The following SMARCD1 variants were observed in gnomAD, a reference collection of about 807,000 sequenced individuals.
SMARCD1 encodes the protein SWI/SNF-related matrix-associated actin-dependent regulator of chromatin subfamily D member 1.
SMARCD1 carries 16 observed loss-of-function variants against 70.8 expected under a neutral mutation model. That is an observed-to-expected ratio of 0.23 (90% CI 0.15 to 0.34). The LOEUF (loss-of-function observed/expected upper bound fraction) is 0.34. SMARCD1 is among the 10% of genes least tolerant of loss of function. The pLI, the probability that SMARCD1 is intolerant of heterozygous loss-of-function variation, is 1.00. For synonymous variants in SMARCD1, 249 were observed against 246.0 expected, an observed-to-expected ratio of 1.01 and a Z score of -0.11; for missense variants, 409 against 655.5, an observed-to-expected ratio of 0.62 and a Z score of 4.11.
At chr12:50,088,104 TC>T in intron 5 of SMARCD1, 1 of 540,796 alleles carries the variant, frequency 1.8e-6, no homozygotes. Context: ...AGAGCCTCCT[TC>T]TCTATATAGG....
At position 50,087,429 on chromosome 12, in the gene SMARCD1, G is replaced by A. The variant is rs1235560708; in HGVS notation, c.598G>A (p.Gly200Arg). ...FNPAKSDAED[G>R]EGTVASWELR... Reference sequence around the variant, plus strand: ...TCCGGCTAAGTCAGATGCCGAGGATGGGGAAGGGACGGTGGCTTCCTGGGA... The same window carrying A: ...TCCGGCTAAGTCAGATGCCGAGGATAGGGAAGGGACGGTGGCTTCCTGGGA... The change falls in exon 5 of 13, where the codon GGG becomes AGG. Residue 200 changes from glycine (G) to arginine (R), a missense_variant. Gly to Arg is a moderately radical substitution (Grantham distance 125). Around this residue, in one of 2 missense-constraint regions of SMARCD1, gnomAD observed 269 missense variants for 498.6 expected, o/e 0.54. Coordinates refer to ENST00000394963, the MANE Select transcript of SMARCD1 (RefSeq NM_003076.5). 1.2e-6 allele frequency: 2 copies of A among 1,614,046 alleles called. No homozygotes were observed. Among genetic ancestry groups the A allele is most frequent in the Admixed American group, 3.3e-5 (2 of 60,006 alleles).
chr12:50,098,682 CTT>C, intron 11 of SMARCD1, 30 bp from the exon 12 acceptor site: 1 of 1,542,530 alleles, frequency 6.5e-7, no homozygotes, highest in East Asian at 2.2e-5. Context: ...TCTCCTCTCT[CTT>C]CCTCCACCCT....
At chr12:50,090,672 A>G (rs1950833457) in intron 9 of SMARCD1, 82 bp downstream of exon 9, 2 of 997,268 alleles carry the variant, frequency 2.0e-6, no homozygotes, top group African/African-American at 1.6e-5. Flanking sequence ...ATTTTCAGGA[A>G]TTTTGCAAAC....
At chr12:50,087,904 T>G (rs1277270239) in intron 5 of SMARCD1, among the ~76,000 whole-genome samples, 1 of 152,172 alleles carries the variant, frequency 6.6e-6, no homozygotes, top group African/African-American at 2.4e-5. Flanking sequence ...AGATTTCTCT[T>G]GACAGGCTCT....
Position 50,086,162 on chromosome 12 carries a change from G to A in SMARCD1, c.179G>A (p.Arg60Lys). 2.6e-6 allele frequency: 4 copies of A among 1,552,728 alleles called. No individual in the cohort carries two copies. Among genetic ancestry groups the A allele is most frequent in the Non-Finnish European group, 3.5e-6 (4 of 1,146,136 alleles). ...RSPMPGAAYP[R>K]PGMLPGSRMT... is the part of the protein sequence containing the mutation. Reference sequence around the variant, plus strand: ...CTCTGGGTCCTCTCCCCTCTGTAGAGACCAGGTATGTTGCCAGGCAGCCGA... The same window carrying A: ...CTCTGGGTCCTCTCCCCTCTGTAGAAACCAGGTATGTTGCCAGGCAGCCGA... The change falls in exon 2 of 13, where the codon AGA becomes AAA. Residue 60 changes from arginine (R) to lysine (K), a missense_variant and splice_region_variant. By Grantham distance (26) the Arg-to-Lys change is conservative (BLOSUM62 2). Around this residue, in one of 2 missense-constraint regions of SMARCD1, gnomAD observed 140 missense variants for 156.9 expected, o/e 0.89. Transcript: ENST00000394963.
chr12:50,095,859 C>T (rs957163471), intron 10 of SMARCD1, among the ~76,000 whole-genome samples: 2 of 152,122 alleles, frequency 1.3e-5, no homozygotes, highest in Admixed American at 1.3e-4. Flanking sequence ...GATAGGGAGC[C>T]AGATGCCTAA....
rs1950922013 is a variant in SMARCD1 at position 50,099,644 on chromosome 12, G to A, written c.*644G>A. On this transcript the variant is annotated 3_prime_UTR_variant, in exon 13 of 13. Transcript: ENST00000394963. ...AGTTGGGGTCCACATCAGTATTGGA[G>A]TTTTGTTCTTTATTGCTCCCTCCCA... 1.8e-5 allele frequency: 5 copies of A among 271,994 alleles called. No individual in the cohort carries two copies. In the East Asian group the frequency reaches 3.1e-4, roughly 17 times the overall value. The allele number at this position is 271,994 out of a possible 1,614,324, so 16.8% of individuals were successfully genotyped here.
At chr12:50,093,622 A>G (rs1353983006) in intron 9 of SMARCD1, among the ~76,000 whole-genome samples, 1 of 151,956 alleles carries the variant, frequency 6.6e-6, no homozygotes, top group East Asian at 1.9e-4. Context: ...AGCTGGGACC[A>G]CAGATGTGTG....
At chr12:50,097,030 T>G in intron 11 of SMARCD1, 58 bp downstream of exon 11, 1 of 1,492,404 alleles carries the variant, frequency 6.7e-7, no homozygotes, top group Non-Finnish European at 9.0e-7. Flanking sequence ...ACAGCTGCTT[T>G]ATTCATGTAG....
At chr12:50,094,147 G>A (rs1324003743) in intron 9 of SMARCD1, among the ~76,000 whole-genome samples, 1 of 152,162 alleles carries the variant, frequency 6.6e-6, no homozygotes, top group Non-Finnish European at 1.5e-5. Context: ...GATACCTTTT[G>A]TACTGCTTGA....
At chr12:50,093,563 A>G (rs1950866431) in intron 9 of SMARCD1, among the ~76,000 whole-genome samples, 1 of 152,050 alleles carries the variant, frequency 6.6e-6, no homozygotes, top group African/African-American at 2.4e-5. Flanking sequence ...GGCTCACTGC[A>G]TCCTCGACCT....
Position 50,099,236 on chromosome 12 carries a change from TC to T in SMARCD1, c.*240del. 1.6e-6 allele frequency: 1 copy of T among 609,520 alleles called. No individual in the cohort carries two copies. Among genetic ancestry groups the T allele is most frequent in the Non-Finnish European group, 2.9e-6 (1 of 342,580 alleles). The allele number at this position is 609,520 out of a possible 1,614,324, so 37.8% of individuals were successfully genotyped here. On this transcript the variant is annotated 3_prime_UTR_variant, in exon 13 of 13. Transcript: ENST00000394963. ...ACAAAGTTCCCATGTGCCTGTACCC[TC>T]CCCTGGTCTACATAGGACCTCTAGA...
Position 50,094,487 on chromosome 12 carries a change from A to G in SMARCD1, c.1184A>G (p.Glu395Gly), listed in dbSNP as rs762072154. ...KKTACYDIDV[E>G]VDDTLKTQMN... is the part of the protein sequence containing the mutation. ...ACAGCTTGTTATGACATTGATGTTG[A>G]AGTGGATGACACCTTGAAGACCCAG... Residue 395 changes from glutamate to glycine, a missense_variant, in exon 10 of 13, where the codon GAA (glutamate) becomes GGA (glycine). Coordinates refer to ENST00000394963, the MANE Select transcript of SMARCD1 (RefSeq NM_003076.5). 1 of 1,614,016 alleles carries G rather than the reference A, an allele frequency of 6.2e-7. No individual in the cohort carries two copies. The highest frequency in any genetic ancestry group is 8.5e-7 in the Non-Finnish European group (1 of 1,179,912).
chr12:50,089,806 C>T lies in SMARCD1; in HGVS notation c.772-78C>T. ...GCCTCAGTAATCAAAGTTGAATATTCAGTCATTACAGAAGCTCTTCCCTCC... is the reference window on the plus strand; with the variant it reads ...GCCTCAGTAATCAAAGTTGAATATTTAGTCATTACAGAAGCTCTTCCCTCC... On this transcript the variant is annotated intron_variant, in intron 6 of 12. Transcript: ENST00000394963. 8 of 998,812 alleles carry T rather than the reference C, an allele frequency of 8.0e-6. No individual in the cohort carries two copies. In the Admixed American group the frequency reaches 1.4e-4, roughly 17 times the overall value. 61.9% of individuals were successfully genotyped at this position (998,812 alleles called of 1,614,324 possible).
chr12:50,086,754 A>G lies in SMARCD1; in HGVS notation c.409-2A>G. 6.2e-7 allele frequency: 1 copy of G among 1,614,102 alleles called. No homozygotes were observed. The highest frequency in any genetic ancestry group is 8.5e-7 in the Non-Finnish European group (1 of 1,179,994). The stretch of plus-strand genomic sequence containing the variant: ...ATTTCAATTAATTTTTCTGTTCCTA[A>G]GATTCGTGAACTGGTACCAGAATCC... On this transcript the variant is annotated splice_acceptor_variant, in intron 3 of 12. Coordinates refer to ENST00000394963, the MANE Select transcript of SMARCD1 (RefSeq NM_003076.5). LOFTEE classifies it high-confidence loss of function.
intron 9 of SMARCD1, among the ~76,000 whole-genome samples, chr12:50,092,219 TTTC>T (rs1950850523): frequency 6.9e-6 from 1 of 145,592 alleles, no homozygotes; most frequent in Non-Finnish European, 1.5e-5. Flanking sequence ...TTTCTTTTCT[TTTC>T]TTTTCTTTCT....
At chr12:50,090,893 C>G (rs1221329190) in intron 9 of SMARCD1, among the ~76,000 whole-genome samples, 3 of 131,940 alleles carry the variant, frequency 2.3e-5, no homozygotes, top group Non-Finnish European at 3.1e-5. Flanking sequence ...GGCGCGATCT[C>G]GGCTCACTGC....
intron 9 of SMARCD1, among the ~76,000 whole-genome samples, chr12:50,091,711 G>A (rs1447311999): frequency 6.6e-6 from 1 of 152,048 alleles, no homozygotes; most frequent in African/African-American, 2.4e-5. Flanking sequence ...CACGTCGCTG[G>A]GATTACAGGC....
intron 5 of SMARCD1, 50 bp downstream of exon 5, chr12:50,087,535 A>G: frequency 6.2e-7 from 1 of 1,603,712 alleles, no homozygotes; most frequent in South Asian, 1.1e-5. Context: ...AGCTGCTGGG[A>G]ATGAACAGTG....
Sources: allele counts gnomAD v4.1 joint callset (sites outside exome capture counted in the v4.1 genomes callset), GRCh38; gene constraint gnomAD v4.1.1; regional missense constraint gnomAD v4.1.1; transcripts MANE v1.5; gene names NCBI Gene and HGNC (gene_info 2026-07-23, HGNC 2026-07-21).